Variants in VWA3B observed in about 807,000 individuals in gnomAD.
The protein encoded by VWA3B is von Willebrand factor A domain-containing protein 3B.
In VWA3B, 138 loss-of-function variants were observed where a neutral mutation model predicts 158.3. The observed-to-expected ratio is 0.87, with a 90% confidence interval of 0.76 to 1.00. The LOEUF is 1.00. Among genes scored for constraint, VWA3B ranks in the 50% least tolerant of loss-of-function variants. The pLI is 0.00. For synonymous variants in VWA3B, 596 were observed against 587.3 expected, an observed-to-expected ratio of 1.01 and a Z score of -0.21; for missense variants, 1,555 against 1,565.1, an observed-to-expected ratio of 0.99 and a Z score of 0.11.
chr2:98,093,270 G>T lies in VWA3B; in HGVS notation c.178G>T (p.Gly60Ter). The T allele has an allele frequency of 1.2e-6, 2 of 1,614,046 alleles. No homozygotes were observed. Among genetic ancestry groups the T allele is most frequent in the Non-Finnish European group, 1.7e-6 (2 of 1,179,964 alleles). ...LTLKQILSQI[G>*]FPHCEDYVAS... The stretch of plus-strand genomic sequence containing the variant: ...CTTGAAACAGATTTTGTCACAGATC[G>T]GATTCCCACATTGTGAAGGTACAGT... The change falls in exon 2 of 28, where the codon GGA (glycine) becomes TGA (stop). Residue 60 changes from glycine (G) to a stop codon, truncating the protein, a stop_gained. Transcript: ENST00000477737. LOFTEE classifies it high-confidence loss of function.
At chr2:98,242,798 G>A (rs1249532886) in intron 19 of VWA3B, among the ~76,000 whole-genome samples, 4 of 150,618 alleles carry the variant, frequency 2.7e-5, no homozygotes, top group Non-Finnish European at 5.9e-5. Flanking sequence ...CCTGTGAGGT[G>A]GCTATTCAGC....
chr2:98,299,416 G>A (rs1574307866), intron 24 of VWA3B, among the ~76,000 whole-genome samples: 1 of 152,326 alleles, frequency 6.6e-6, no homozygotes, highest in East Asian at 1.9e-4. Context: ...TGGGATTAGA[G>A]GGAAATCCTT....
intron 12 of VWA3B, among the ~76,000 whole-genome samples, chr2:98,208,678 A>G (rs1433721881): frequency 6.6e-6 from 1 of 152,204 alleles, no homozygotes; most frequent in Non-Finnish European, 1.5e-5. Flanking sequence ...CTTTACACTC[A>G]CCATTTAAAA....
intron 22 of VWA3B, among the ~76,000 whole-genome samples, chr2:98,281,023 T>TA (rs1362913126): frequency 2.0e-5 from 3 of 152,244 alleles, no homozygotes; most frequent in Non-Finnish European, 2.9e-5. Flanking sequence ...AGGAAGGCAC[T>TA]AATTCGTTTG....
the VWA3B span, among the ~76,000 whole-genome samples, chr2:98,319,732 T>C: frequency 6.6e-6 from 1 of 151,976 alleles, no homozygotes; most frequent in Non-Finnish European, 1.5e-5. Flanking sequence ...ATATAAAAAT[T>C]AGCCATGCAT....
At chr2:98,320,788 T>G in the VWA3B span, among the ~76,000 whole-genome samples, 3 of 152,102 alleles carry the variant, frequency 2.0e-5, no homozygotes, top group Non-Finnish European at 4.4e-5. Flanking sequence ...TTCGGAAAAT[T>G]TGCAGCCCAA....
intron 21 of VWA3B, among the ~76,000 whole-genome samples, chr2:98,268,389 T>C (rs996883486): frequency 3.9e-5 from 6 of 152,280 alleles, no homozygotes; most frequent in Admixed American, 6.5e-5. Context: ...GTTCAATATA[T>C]GCAAATCAAT....
intron 10 of VWA3B, 32 bp from the exon 11 acceptor site, chr2:98,192,866 C>A: frequency 6.2e-7 from 1 of 1,614,086 alleles, no homozygotes; most frequent in Non-Finnish European, 8.5e-7. Flanking sequence ...TGCAGGCTCT[C>A]ACCATTCACT....
intron 25 of VWA3B, among the ~76,000 whole-genome samples, chr2:98,301,507 G>C (rs1019773162): frequency 2.6e-5 from 4 of 152,164 alleles, no homozygotes; most frequent in Non-Finnish European, 5.9e-5. Context: ...ACATGTAAAA[G>C]ATGTAAAAGA....
At chr2:98,291,605 T>G (rs1369294263) in intron 23 of VWA3B, 1 of 152,172 alleles carries the variant, frequency 6.6e-6, no homozygotes, top group Non-Finnish European at 1.5e-5. Flanking sequence ...ACAATCACAT[T>G]TGAAGTTTTC....
intron 22 of VWA3B, among the ~76,000 whole-genome samples, chr2:98,285,709 T>G (rs1310894685): frequency 6.6e-6 from 1 of 151,380 alleles, no homozygotes; most frequent in Admixed American, 6.6e-5. Context: ...TTTTTCAACA[T>G]TTTTTGGGGG....
intron 19 of VWA3B, among the ~76,000 whole-genome samples, chr2:98,242,504 T>C (rs1483646275): frequency 6.6e-6 from 1 of 151,968 alleles, no homozygotes; most frequent in Non-Finnish European, 1.5e-5. Flanking sequence ...TTGGGAAAAT[T>C]GGTCTGCACC....
chr2:98,104,681 C>T (rs573176176), intron 2 of VWA3B, among the ~76,000 whole-genome samples: 1 of 152,298 alleles, frequency 6.6e-6, no homozygotes, highest in African/African-American at 2.4e-5. Context: ...TGTAGGTCTA[C>T]CATGTTACTA....
At chr2:98,184,751 C>T (rs1421663237) in intron 9 of VWA3B, among the ~76,000 whole-genome samples, 1 of 152,222 alleles carries the variant, frequency 6.6e-6, no homozygotes, top group Non-Finnish European at 1.5e-5. Context: ...GGAGTGGGGG[C>T]TGGTTTCTCT....
At chr2:98,121,606 T>C in intron 5 of VWA3B, 148 bp downstream of exon 5, 2 of 1,117,174 alleles carry the variant, frequency 1.8e-6, no homozygotes, top group South Asian at 1.6e-5. Context: ...CTGATGGTGA[T>C]GGCATAGCTG....
chr2:98,118,070 C>G (rs1336834936), intron 3 of VWA3B, among the ~76,000 whole-genome samples: 1 of 152,152 alleles, frequency 6.6e-6, no homozygotes, highest in Non-Finnish European at 1.5e-5. Context: ...AAGCCTGGTC[C>G]TAAGCAATAC....
At chr2:98,262,050 A>G (rs569100807) in intron 21 of VWA3B, among the ~76,000 whole-genome samples, 36 of 151,788 alleles carry the variant, frequency 2.4e-4, no homozygotes, top group Non-Finnish European at 4.6e-4. Context: ...ATTTTTTTAC[A>G]TGATTCCTGG....
At chr2:98,098,182 A>T (rs1682843022) in intron 2 of VWA3B, among the ~76,000 whole-genome samples, 1 of 152,134 alleles carries the variant, frequency 6.6e-6, no homozygotes, top group East Asian at 1.9e-4. Flanking sequence ...AGTTGAGAAG[A>T]GTGTGTATTC....
At chr2:98,315,368 C>T (rs1451711419), downstream of VWA3B, among the ~76,000 whole-genome samples, 1 of 152,082 alleles carries the variant, frequency 6.6e-6, no homozygotes, top group Non-Finnish European at 1.5e-5. Context: ...GATTTTATGG[C>T]CACCCTATAT....
Sources: gnomAD v4.1 joint callset for allele counts (sites outside exome capture counted in the v4.1 genomes callset) on GRCh38, gnomAD v4.1.1 for gene constraint, MANE v1.5 for transcripts, NCBI Gene and HGNC (gene_info 2026-07-23, HGNC 2026-07-21) for gene names.